ANKRD55: variants seen among roughly 807,000 people sequenced by gnomAD.
The protein encoded by ANKRD55 is ankyrin repeat domain-containing protein 55.
A neutral mutation model predicts 60.6 loss-of-function variants in ANKRD55; 41 were observed. The ratio of observed to expected loss-of-function variants is 0.68; its 90% confidence interval spans 0.53 to 0.88. The LOEUF is 0.88. Ranked by LOEUF, ANKRD55 falls within the 40% of genes least tolerant of loss-of-function variation. The pLI, the probability that ANKRD55 is intolerant of heterozygous loss-of-function variation, is 0.00. For synonymous variants in ANKRD55, 264 were observed against 290.3 expected (o/e 0.91, Z 0.92); for missense variants, 732 against 767.6 (o/e 0.95, Z 0.55).
intron 7 of ANKRD55, chr5:56,137,657 C>A: frequency 4.1e-6 from 2 of 484,152 alleles, no homozygotes; most frequent in Non-Finnish European, 7.3e-6. Context: ...AATAATAATC[C>A]ATGGAAGAAA....
intron 6 of ANKRD55, among the ~76,000 whole-genome samples, chr5:56,147,407 T>C (rs1757923525): frequency 6.6e-6 from 1 of 152,228 alleles, no homozygotes; most frequent in Admixed American, 6.5e-5. Context: ...TCTTACTTTC[T>C]AAAATGATGG....
rs374771016 is a variant in ANKRD55, at chr5:56,116,813, G to A, written c.798-31C>T. ...GGGGCCATGTGAAAAAAGCACAAGCGTCTGAGCATGTGAATTGTTCAGGCT... is the reference window on the plus strand; with the variant it reads ...GGGGCCATGTGAAAAAAGCACAAGCATCTGAGCATGTGAATTGTTCAGGCT... On this transcript the variant is annotated intron_variant, in intron 8 of 11. Transcript: ENST00000341048. 1.4e-4 allele frequency: 213 copies of A among 1,546,300 alleles called. 2 individuals are homozygous for A. In the African/African-American group the frequency reaches 2.2e-3, roughly 16 times the overall value.
chr5:56,152,582 C>T (rs1051824501), intron 6 of ANKRD55, among the ~76,000 whole-genome samples: 2 of 152,220 alleles, frequency 1.3e-5, no homozygotes, highest in African/African-American at 4.8e-5. Flanking sequence ...TTCCATTTAA[C>T]TCCCGGTAGC....
chr5:56,216,252 A>T (rs552299885), intron 2 of ANKRD55, among the ~76,000 whole-genome samples: 2 of 152,106 alleles, frequency 1.3e-5, no homozygotes, highest in Non-Finnish European at 2.9e-5. Context: ...GACCGCATCC[A>T]CAGAAGATGG....
At chr5:56,230,857 T>C (rs964202470) in intron 2 of ANKRD55, among the ~76,000 whole-genome samples, 2 of 152,178 alleles carry the variant, frequency 1.3e-5, no homozygotes, top group South Asian at 2.1e-4. Context: ...GAGTAGTCTT[T>C]TGCACTTCAG....
chr5:56,216,799 C>A (rs941260825), intron 2 of ANKRD55, among the ~76,000 whole-genome samples: 1 of 152,188 alleles, frequency 6.6e-6, no homozygotes, highest in African/African-American at 2.4e-5. Flanking sequence ...AAGGTTGTTT[C>A]ATGAGGTTTA....
rs542229789 is a variant in ANKRD55, at chr5:56,225,937, C to T, written c.58+6919G>A. On this transcript the variant is annotated intron_variant, in intron 2 of 11. Coordinates refer to ENST00000341048, the MANE Select transcript of ANKRD55 (RefSeq NM_024669.3). ...TAATTTATAGATTCAATGCCATCCC[C>T]GTCAAGCTACCAATGACTTTCTTCA... Among the ~76,000 whole-genome samples the T allele has an allele frequency of 5.9e-5, 9 of 152,298 alleles. No homozygotes were observed. In the South Asian group the frequency reaches 8.3e-4, roughly 14 times the overall value.
chr5:56,215,200 G>C (rs1256393002), intron 2 of ANKRD55, among the ~76,000 whole-genome samples: 1 of 152,136 alleles, frequency 6.6e-6, no homozygotes, highest in Non-Finnish European at 1.5e-5. Context: ...GGGCTGAGTA[G>C]GTAAATAACA....
chr5:56,173,570 C>CTATATATA (rs1403998682), intron 4 of ANKRD55, among the ~76,000 whole-genome samples: 7 of 110,958 alleles, frequency 6.3e-5, no homozygotes, highest in Non-Finnish European at 1.1e-4. Flanking sequence ...CTCTCTCTCT[C>CTATATATA]TCTCTCTCTC....
chr5:56,144,207 A>G (rs1211827880), intron 6 of ANKRD55, among the ~76,000 whole-genome samples: 2 of 152,258 alleles, frequency 1.3e-5, no homozygotes, highest in Non-Finnish European at 2.9e-5. Flanking sequence ...GGCAGATATT[A>G]AATGCACAAA....
At chr5:56,102,042 G>C (rs187044069) in intron 11 of ANKRD55, among the ~76,000 whole-genome samples, 12 of 152,124 alleles carry the variant, frequency 7.9e-5, no homozygotes, top group Admixed American at 7.9e-4. Flanking sequence ...TTTAAAGATG[G>C]TCTCTGTTTT....
chr5:56,160,288 G>C (rs887600859), intron 5 of ANKRD55, among the ~76,000 whole-genome samples: 1 of 152,150 alleles, frequency 6.6e-6, no homozygotes, highest in Non-Finnish European at 1.5e-5. Flanking sequence ...GCCCAGGCTC[G>C]AGTGCAGTGG....
rs551761569 is a variant in ANKRD55 at position 56,192,489 on chromosome 5, C to T, written c.59-8855G>A. ...CGCCGGTCCCATGTCGTCGCCCTCT[C>T]TGCCCCCCAGGAGGGGCAAGAGGGA... On this transcript the variant is annotated intron_variant, in intron 2 of 11. Coordinates refer to ENST00000341048, the MANE Select transcript of ANKRD55 (RefSeq NM_024669.3). 15 of 247,560 alleles carry T rather than the reference C, an allele frequency of 6.1e-5. No individual in the cohort carries two copies. The South Asian group carries it at 9.6e-4, about 16-fold the overall frequency. 15.3% of individuals were successfully genotyped at this position (247,560 alleles called of 1,614,324 possible). A position where few individuals can be genotyped will look rare whatever the true frequency, so the allele number is the denominator to read the frequency against.
intron 9 of ANKRD55, among the ~76,000 whole-genome samples, chr5:56,113,306 G>A (rs1756790158): frequency 6.6e-6 from 1 of 152,138 alleles, no homozygotes; most frequent in South Asian, 2.1e-4. Context: ...GTAAAATGGT[G>A]GCTGCCTCAG....
intron 6 of ANKRD55, among the ~76,000 whole-genome samples, chr5:56,145,021 C>T (rs1467939241): frequency 6.6e-6 from 1 of 152,192 alleles, no homozygotes; most frequent in Admixed American, 6.5e-5. Context: ...GAGACAACAC[C>T]TTGGCTTTCT....
At chr5:56,218,103 T>A (rs1048081420) in intron 2 of ANKRD55, among the ~76,000 whole-genome samples, 1 of 152,176 alleles carries the variant, frequency 6.6e-6, no homozygotes, top group Non-Finnish European at 1.5e-5. Context: ...AAACCTTGAA[T>A]GGATGAAGAT....
chr5:56,214,857 G>T (rs547049615), intron 2 of ANKRD55, among the ~76,000 whole-genome samples: 1 of 152,130 alleles, frequency 6.6e-6, no homozygotes, highest in African/African-American at 2.4e-5. Context: ...CTGCTGGGCC[G>T]GCCCAGTTGT....
Position 56,170,721 on chromosome 5 carries a change from T to A in ANKRD55, c.395A>T (p.His132Leu), listed in dbSNP as rs564090416. The A allele has an allele frequency of 1.2e-6, 2 of 1,614,194 alleles. No homozygotes were observed. The highest frequency in any genetic ancestry group is 1.1e-5 in the South Asian group (1 of 91,086). Residue 132 changes from histidine (H) to leucine (L), a missense_variant, in exon 5 of 12, where the codon CAT (histidine) becomes CTT (leucine). His to Leu is a moderately conservative substitution (Grantham distance 99). Around this residue, in one of 3 missense-constraint regions of ANKRD55, gnomAD observed 597 missense variants for 607.5 expected, o/e 0.98. Transcript: ENST00000341048. ...IPDKNGRLPL[H>L]AATAEPDMRL... ...CATATCGGGCTCAGCAGTGGCAGCA[T>A]GCAGTGGCAGGCGGCCATTTTTATC...
chr5:56,191,563 T>A (rs756966992), intron 2 of ANKRD55, among the ~76,000 whole-genome samples: 2 of 152,074 alleles, frequency 1.3e-5, no homozygotes, highest in Non-Finnish European at 2.9e-5. Context: ...TGGGTGAGAG[T>A]GACAGAGAGA....
Sources: gnomAD v4.1 joint callset for allele counts (sites outside exome capture counted in the v4.1 genomes callset) on GRCh38, gnomAD v4.1.1 for gene constraint, gnomAD v4.1.1 regional missense constraint, MANE v1.5 for transcripts, NCBI Gene and HGNC (gene_info 2026-07-23, HGNC 2026-07-21) for gene names.